Variants in LRRC49 observed in about 807,000 individuals in gnomAD.
LRRC49 encodes the protein leucine-rich repeat-containing protein 49.
In LRRC49, 50 loss-of-function variants were observed where a neutral mutation model predicts 83.3. The ratio of observed to expected loss-of-function variants is 0.60; its 90% CI spans 0.48 to 0.76. LRRC49 has a LOEUF of 0.76. Among genes scored for constraint, LRRC49 ranks in the 30% least tolerant of loss-of-function variants. The pLI is 0.00. For missense variants in LRRC49, 704 were observed against 809.1 expected (o/e 0.87, Z 1.58); for synonymous variants, 286 against 283.3 (o/e 1.01, Z -0.10).
intron 4 of LRRC49, 111 bp downstream of exon 4, chr15:70,901,135 A>G (rs867607553): frequency 2.7e-5 from 17 of 620,632 alleles, no homozygotes; most frequent in African/African-American, 7.6e-5. Context: ...CAGTTATTCA[A>G]TTCTCCTATT....
At chr15:70,878,213 T>C (rs2033192526) in intron 2 of LRRC49, among the ~76,000 whole-genome samples, 1 of 152,226 alleles carries the variant, frequency 6.6e-6, no homozygotes, top group African/African-American at 2.4e-5. Context: ...GAAACCAGTT[T>C]TTTTTAATCT....
intron 6 of LRRC49, among the ~76,000 whole-genome samples, chr15:70,913,127 T>C (rs1445197279): frequency 6.6e-6 from 1 of 152,238 alleles, no homozygotes; most frequent in Non-Finnish European, 1.5e-5. Flanking sequence ...ATGCAGAATG[T>C]AAAGTCTCTT....
At chr15:71,018,978 A>G (rs1041201061) in intron 14 of LRRC49, among the ~76,000 whole-genome samples, 15 of 152,330 alleles carry the variant, frequency 9.8e-5, no homozygotes, top group African/African-American at 3.6e-4. Context: ...ACAGATGAAC[A>G]GCCAGATAGA....
Position 70,940,251 on chromosome 15 carries a change from A to T in LRRC49, c.773+3429A>T, listed in dbSNP as rs1027173889. 1.5e-4 allele frequency among the ~76,000 whole-genome samples: 13 copies of T among 87,078 alleles called. No individual in the cohort carries two copies. In the East Asian group the frequency reaches 4.1e-3, roughly 28 times the overall value. 57.1% of individuals were successfully genotyped at this position (87,078 alleles called of 152,430 possible). A position where few individuals can be genotyped will look rare whatever the true frequency, so the allele number is the denominator to read the frequency against. On this transcript the variant is annotated intron_variant, in intron 8 of 15. Transcript: ENST00000260382. ...TTTCACTGACCTTCAGAATATATGG[A>T]TTTTTTTTTTTTTTTTTTTTTTTGA...
At position 70,931,396 on chromosome 15, in the gene LRRC49, C is replaced by T. The variant is rs565245571; in HGVS notation, c.712-5365C>T. On this transcript the variant is annotated intron_variant, in intron 7 of 15. Coordinates refer to ENST00000260382, the MANE Select transcript of LRRC49 (RefSeq NM_017691.5). ...TAGTAATATCACAGATCACTGATCACGGATAATCATAACAAATATAATAAT... is the reference window on the plus strand; with the variant it reads ...TAGTAATATCACAGATCACTGATCATGGATAATCATAACAAATATAATAAT... Among the ~76,000 whole-genome samples, 5 of 151,986 alleles carry T rather than the reference C, an allele frequency of 3.3e-5. No individual in the cohort carries two copies. The South Asian group carries it at 6.2e-4, about 19-fold the overall frequency.
intron 1 of LRRC49, among the ~76,000 whole-genome samples, chr15:70,857,458 T>C (rs1170446708): frequency 6.6e-6 from 1 of 151,922 alleles, no homozygotes; most frequent in East Asian, 1.9e-4. Flanking sequence ...ATGGCACCAC[T>C]GCACTCCAGC....
Position 70,941,497 on chromosome 15 carries a change from T to TA in LRRC49, c.773+4689dup, listed in dbSNP as rs569125041. Among the ~76,000 whole-genome samples, 769 of 105,664 alleles carry TA rather than the reference T, an allele frequency of 7.3e-3. 8 individuals carry two copies. The highest frequency in any genetic ancestry group is 9.1e-3 in the Non-Finnish European group (454 of 49,924). 69.3% of individuals were successfully genotyped at this position (105,664 alleles called of 152,430 possible). ...TTCATGGGGCAGGGGTAGTAGAGAG[T>TA]AAAAAAAAAAAAAAGAAAAGAAAAA... On this transcript the variant is annotated intron_variant, in intron 8 of 15. Transcript: ENST00000260382.
chr15:71,046,237 T>C (rs550686688), intron 15 of LRRC49, among the ~76,000 whole-genome samples: 13 of 152,314 alleles, frequency 8.5e-5, no homozygotes, highest in South Asian at 8.3e-4. Context: ...TTGGGCCAAA[T>C]GGTAGCTCTG....
chr15:70,941,009 G>A (rs1467974722), intron 8 of LRRC49, among the ~76,000 whole-genome samples: 1 of 152,164 alleles, frequency 6.6e-6, no homozygotes, highest in African/African-American at 2.4e-5. Context: ...TTTAAAAATA[G>A]GGGCATTTGT....
At chr15:70,854,196 C>T in intron 1 of LRRC49, 1 of 817,730 alleles carries the variant, frequency 1.2e-6, no homozygotes, top group Non-Finnish European at 1.6e-6. Context: ...GCGCCTGCCG[C>T]TCGGCCCAGG....
At chr15:70,914,619 G>A (rs1035058911) in intron 6 of LRRC49, among the ~76,000 whole-genome samples, 6 of 152,172 alleles carry the variant, frequency 3.9e-5, no homozygotes, top group African/African-American at 7.2e-5. Flanking sequence ...TCAAGACTTA[G>A]CAATTAATTA....
chr15:70,894,395 G>A (rs2141098170), intron 2 of LRRC49, among the ~76,000 whole-genome samples: 1 of 152,260 alleles, frequency 6.6e-6, no homozygotes, highest in African/African-American at 2.4e-5. Flanking sequence ...AAATAGGTTA[G>A]CAGTGGACAC....
At chr15:70,908,787 T>C (rs1352057413) in intron 5 of LRRC49, 1 of 152,322 alleles carries the variant, frequency 6.6e-6, no homozygotes, top group Non-Finnish European at 1.5e-5. Flanking sequence ...TTTATGAAGA[T>C]GTTTTTGGTT....
intron 8 of LRRC49, among the ~76,000 whole-genome samples, chr15:70,962,506 T>C (rs909001110): frequency 3.3e-5 from 5 of 152,008 alleles, no homozygotes; most frequent in African/African-American, 1.2e-4. Context: ...TAAAAGGAAC[T>C]ATGGCTCCTC....
chr15:70,877,149 AC>A (rs2033168660), intron 2 of LRRC49, among the ~76,000 whole-genome samples: 1 of 152,194 alleles, frequency 6.6e-6, no homozygotes. Context: ...TGTGAAGCCT[AC>A]CTTAAGAAAC....
At chr15:70,859,800 C>T in intron 1 of LRRC49, 3 of 750,728 alleles carry the variant, frequency 4.0e-6, no homozygotes, top group Non-Finnish European at 5.0e-6. Context: ...CTGCAATGGG[C>T]CAGGCAGGAT....
At position 70,871,022 on chromosome 15, in the gene LRRC49, A is replaced by G. The variant is rs535748030; in HGVS notation, c.-298-1886A>G. Among the ~76,000 whole-genome samples the G allele has an allele frequency of 2.9e-3, 439 of 149,198 alleles. 1 individual carries two copies. Among genetic ancestry groups the G allele is most frequent in the Admixed American group, 0.012 (179 of 14,966 alleles). On this transcript the variant is annotated intron_variant, in intron 1 of 16. Transcript: ENST00000544974. Reference sequence around the variant, plus strand: ...GGAGAGGGGGATTTGGCAGGGTCATAGGACAATAGTGGAGCGAAGGTCAGC... The same window carrying G: ...GGAGAGGGGGATTTGGCAGGGTCATGGGACAATAGTGGAGCGAAGGTCAGC...
chr15:70,889,580 C>A (rs906149405), upstream of LRRC49, among the ~76,000 whole-genome samples: 3 of 152,112 alleles, frequency 2.0e-5, no homozygotes, highest in African/African-American at 7.2e-5. Flanking sequence ...TTAAAAAATT[C>A]AGTTGGGTTT....
chr15:71,037,640 A>G (rs1387007461), intron 15 of LRRC49, among the ~76,000 whole-genome samples: 1 of 152,150 alleles, frequency 6.6e-6, no homozygotes, highest in Non-Finnish European at 1.5e-5. Flanking sequence ...GTCCCGATCT[A>G]TGTAAGAAAT....
Sources: allele counts gnomAD v4.1 joint callset (sites outside exome capture counted in the v4.1 genomes callset), GRCh38; gene constraint gnomAD v4.1.1; transcripts MANE v1.5; gene names NCBI Gene and HGNC (gene_info 2026-07-23, HGNC 2026-07-21).